Variants in FAAH2 observed in about 807,000 individuals in gnomAD.
FAAH2 encodes the protein fatty-acid amide hydrolase 2.
FAAH2 carries 60 observed loss-of-function variants against 36.9 expected under a neutral mutation model. The observed-to-expected ratio is 1.63, with a 90% CI of 1.32 to 2.02. The LOEUF (loss-of-function observed/expected upper bound fraction) is 2.02, where lower values mean the gene tolerates loss of function less well. FAAH2 is among the 30% of genes most tolerant of loss of function. FAAH2 has a pLI of 0.00. For missense variants in FAAH2, 689 were observed against 397.5 expected, an observed-to-expected ratio of 1.73 and a Z score of -6.23; for synonymous variants, 214 against 143.8, an observed-to-expected ratio of 1.49 and a Z score of -3.49.
chrX:57,480,947 C>CT (rs778377408), intron 10 of FAAH2, among the ~76,000 whole-genome samples: 1,691 of 105,857 alleles, frequency 0.016, 20 homozygotes, highest in African/African-American at 0.05. Flanking sequence ...CCTTTTCACT[C>CT]TTTTTTTTTT....
chrX:57,162,874 C>G, the FAAH2 span, among the ~76,000 whole-genome samples: 3 of 113,115 alleles, frequency 2.7e-5, no homozygotes, highest in Non-Finnish European at 5.6e-5. Context: ...CAAAGTCAAT[C>G]TCCATCCAGC....
chrX:57,356,601 C>T (rs920411937), intron 5 of FAAH2, among the ~76,000 whole-genome samples: 2 of 109,453 alleles, frequency 1.8e-5, no homozygotes, highest in Non-Finnish European at 3.8e-5. Context: ...TTATAATGTC[C>T]GCTCTTTTAT....
At chrX:57,345,820 AT>A (rs1411061722) in intron 5 of FAAH2, among the ~76,000 whole-genome samples, 1 of 111,584 alleles carries the variant, frequency 9.0e-6, no homozygotes, top group South Asian at 3.7e-4. Flanking sequence ...TTGGTAAGTT[AT>A]TTTTTATTTT....
At chrX:57,285,898 A>T (rs952948642), upstream of FAAH2, among the ~76,000 whole-genome samples, 2 of 112,139 alleles carry the variant, frequency 1.8e-5, no homozygotes, top group African/African-American at 6.5e-5. Context: ...CAGCTAGATT[A>T]TTTGTAGAAG....
intron 7 of FAAH2, among the ~76,000 whole-genome samples, chrX:57,423,265 G>T (rs1216557863): frequency 8.9e-6 from 1 of 112,054 alleles, no homozygotes; most frequent in Admixed American, 9.4e-5. Context: ...TCTGGACTGA[G>T]ATTTGCAATC....
the FAAH2 span, among the ~76,000 whole-genome samples, chrX:57,256,427 A>C: frequency 7.2e-5 from 8 of 111,882 alleles, no homozygotes; most frequent in Non-Finnish European, 1.5e-4. Flanking sequence ...TCTCCTTTAT[A>C]GTTCATATGA....
chrX:57,427,896 G>A, intron 7 of FAAH2, among the ~76,000 whole-genome samples: 1 of 111,470 alleles, frequency 9.0e-6, no homozygotes, highest in Non-Finnish European at 1.9e-5. Context: ...ACTGGCAATT[G>A]TAGCCAGGGC....
chrX:57,137,470 C>T, the FAAH2 span: 14 of 419,156 alleles, frequency 3.3e-5, no homozygotes, highest in African/African-American at 3.2e-4. Context: ...ACCCCTCAGC[C>T]ACGTTGGGCT....
the FAAH2 span, among the ~76,000 whole-genome samples, chrX:57,219,366 C>A: frequency 9.0e-6 from 1 of 111,533 alleles, no homozygotes; most frequent in African/African-American, 3.3e-5. Flanking sequence ...GGTCTGCATC[C>A]CCCATGGACC....
the FAAH2 span, among the ~76,000 whole-genome samples, chrX:57,223,497 C>T: frequency 2.7e-5 from 3 of 111,443 alleles, no homozygotes; most frequent in Non-Finnish European, 5.6e-5. Flanking sequence ...ACTTCTCTGC[C>T]CTATTCTCAC....
intron 10 of FAAH2, among the ~76,000 whole-genome samples, chrX:57,468,631 C>T (rs1205795970): frequency 2.7e-5 from 3 of 111,918 alleles, no homozygotes; most frequent in Non-Finnish European, 5.6e-5. Context: ...ACTGGTGTAC[C>T]TGAAACTGAC....
At chrX:57,438,379 A>G (rs1433222673) in intron 8 of FAAH2, among the ~76,000 whole-genome samples, 1 of 105,978 alleles carries the variant, frequency 9.4e-6, no homozygotes, top group Non-Finnish European at 1.9e-5. Context: ...TAATATATAC[A>G]AAATTATATA....
the FAAH2 span, among the ~76,000 whole-genome samples, chrX:57,261,730 C>A: frequency 2.7e-5 from 3 of 109,698 alleles, no homozygotes; most frequent in African/African-American, 3.3e-5. Context: ...TATTTGTTAT[C>A]TTGATGTGTT....
the FAAH2 span, among the ~76,000 whole-genome samples, chrX:57,240,226 C>T: frequency 2.7e-5 from 3 of 111,194 alleles, no homozygotes; most frequent in African/African-American, 6.5e-5. Flanking sequence ...CTTTGGTGTC[C>T]TTGAAGGTTT....
intron 4 of FAAH2, among the ~76,000 whole-genome samples, chrX:57,337,882 A>G (rs2053592994): frequency 8.9e-6 from 1 of 112,082 alleles, no homozygotes; most frequent in Non-Finnish European, 1.9e-5. Context: ...CTGATACAAC[A>G]TAGTATTGGA....
chrX:57,190,688 T>TCTCCACCCTGCTTCTGCTCACC, the FAAH2 span, among the ~76,000 whole-genome samples: 2 of 110,469 alleles, frequency 1.8e-5, no homozygotes, highest in Non-Finnish European at 3.8e-5. Flanking sequence ...GTGAGGTAAT[T>TCTCCACCCTGCTTCTGCTCACC]CTCCACCCTG....
At chrX:57,463,037 T>G (rs935547561) in intron 10 of FAAH2, among the ~76,000 whole-genome samples, 4 of 111,909 alleles carry the variant, frequency 3.6e-5, no homozygotes, top group African/African-American at 1.3e-4. Flanking sequence ...AGCCAAATCA[T>G]GATTGAACTC....
chrX:57,383,793 T>C (rs1426232934), intron 7 of FAAH2, among the ~76,000 whole-genome samples: 2 of 112,033 alleles, frequency 1.8e-5, no homozygotes, highest in African/African-American at 6.5e-5. Context: ...AAGCTACCAA[T>C]GACTTTCTTC....
At chrX:57,218,593 C>A in the FAAH2 span, among the ~76,000 whole-genome samples, 11 of 111,807 alleles carry the variant, frequency 9.8e-5, no homozygotes, top group South Asian at 4.2e-3. Flanking sequence ...TTGTTGGATT[C>A]AGTTAGCTAG....
Sources: gnomAD v4.1 joint callset for allele counts (sites outside exome capture counted in the v4.1 genomes callset) on GRCh38, gnomAD v4.1.1 for gene constraint, MANE v1.5 for transcripts, NCBI Gene and HGNC (gene_info 2026-07-23, HGNC 2026-07-21) for gene names.